Variants in CXADR observed in about 807,000 individuals in gnomAD.
CXADR encodes coxsackievirus and adenovirus receptor.
A neutral mutation model predicts 40.3 loss-of-function variants in CXADR; 20 were observed. The observed-to-expected ratio is 0.50, with a 90% confidence interval of 0.35 to 0.72. The LOEUF is 0.72. Among genes scored for constraint, CXADR ranks in the 30% least tolerant of loss-of-function variants. CXADR has a pLI of 0.01. For synonymous variants in CXADR, 150 were observed against 161.3 expected (o/e 0.93, Z 0.53); for missense variants, 332 against 449.1 (o/e 0.74, Z 2.36).
chr21:17,533,409 AT>A (rs1038912048), intron 1 of CXADR, among the ~76,000 whole-genome samples: 1 of 152,126 alleles, frequency 6.6e-6, no homozygotes, highest in African/African-American at 2.4e-5. Flanking sequence ...CACCCATTGT[AT>A]TTTATAGTGA....
At chr21:17,545,348 C>T (rs951717633) in intron 1 of CXADR, among the ~76,000 whole-genome samples, 8 of 151,886 alleles carry the variant, frequency 5.3e-5, no homozygotes, top group Non-Finnish European at 1.0e-4. Context: ...ATGTGACAAA[C>T]TAGTGCTATG....
chr21:17,523,169 C>A (rs1279835613), intron 1 of CXADR, among the ~76,000 whole-genome samples: 3 of 152,146 alleles, frequency 2.0e-5, no homozygotes, highest in Non-Finnish European at 4.4e-5. Context: ...CATGTTCTAA[C>A]CTTTATCAAG....
At chr21:17,633,727 C>T in the CXADR span, among the ~76,000 whole-genome samples, 1 of 152,194 alleles carries the variant, frequency 6.6e-6, no homozygotes, top group Admixed American at 6.5e-5. Context: ...AGAGCCCAGA[C>T]TAACTTTGTC....
intron 1 of CXADR, among the ~76,000 whole-genome samples, chr21:17,543,259 A>G (rs1260584973): frequency 3.3e-5 from 5 of 152,204 alleles, no homozygotes; most frequent in Non-Finnish European, 5.9e-5. Flanking sequence ...ATTTTGTTAC[A>G]CATATATGAC....
chr21:17,593,132 CTCT>C (rs773829029), intron 7 of CXADR: 15 of 1,398,496 alleles, frequency 1.1e-5, no homozygotes, highest in East Asian at 8.2e-5. Context: ...ATAGAGATAT[CTCT>C]TTTTTTCTTT....
chr21:17,603,977 A>G, the CXADR span, among the ~76,000 whole-genome samples: 1 of 152,230 alleles, frequency 6.6e-6, no homozygotes, highest in Non-Finnish European at 1.5e-5. Context: ...CGTTTTTGAA[A>G]ACCCTACAAC....
At chr21:17,600,960 G>A in the CXADR span, among the ~76,000 whole-genome samples, 4 of 152,222 alleles carry the variant, frequency 2.6e-5, no homozygotes, top group Non-Finnish European at 4.4e-5. Context: ...TCAGGCGTTC[G>A]AGGCCAGCCT....
intron 1 of CXADR, chr21:17,542,147 A>G (rs77607953): frequency 0.014 from 2,795 of 201,718 alleles, 90 homozygotes; most frequent in African/African-American, 0.059. Context: ...CACTCAAAAC[A>G]TTATTAAAAA....
At chr21:17,530,756 G>T (rs190380894) in intron 1 of CXADR, among the ~76,000 whole-genome samples, 10 of 152,284 alleles carry the variant, frequency 6.6e-5, no homozygotes, top group Admixed American at 6.5e-4. Context: ...AGAGGTTGCG[G>T]TGAGCCGAGA....
At chr21:17,598,128 G>C (rs1362935938), downstream of CXADR, among the ~76,000 whole-genome samples, 1 of 152,084 alleles carries the variant, frequency 6.6e-6, no homozygotes, top group Non-Finnish European at 1.5e-5. Flanking sequence ...TGTAAGTGCA[G>C]GCACACTAGC....
chr21:17,576,510 C>A (rs1022617235), intron 7 of CXADR, among the ~76,000 whole-genome samples: 1 of 152,104 alleles, frequency 6.6e-6, no homozygotes, highest in Non-Finnish European at 1.5e-5. Flanking sequence ...CGTTATTATT[C>A]TTGTATTATA....
the CXADR span, among the ~76,000 whole-genome samples, chr21:17,623,969 AATGATGGCAACATTTGT>A: frequency 2.6e-5 from 4 of 152,174 alleles, no homozygotes; most frequent in South Asian, 4.1e-4. Context: ...CTGTTGCATG[AATGATGGCAACATTTGT>A]CTAATTGCAT....
chr21:17,535,972 C>T (rs1413960579), intron 1 of CXADR, among the ~76,000 whole-genome samples: 1 of 152,198 alleles, frequency 6.6e-6, no homozygotes, highest in Non-Finnish European at 1.5e-5. Context: ...TGTGTCACTG[C>T]ACTCTAGCCT....
At chr21:17,617,124 C>G in the CXADR span, among the ~76,000 whole-genome samples, 4 of 152,154 alleles carry the variant, frequency 2.6e-5, no homozygotes, top group Non-Finnish European at 5.9e-5. Flanking sequence ...GAAGAAAATG[C>G]TTTGATCAAA....
chr21:17,611,803 A>G, the CXADR span: 1 of 152,250 alleles, frequency 6.6e-6, no homozygotes, highest in African/African-American at 2.4e-5. Context: ...AAGGGAATCC[A>G]GAATCAAGCT....
Position 17,518,742 on chromosome 21 carries a change from A to G in CXADR, c.43+5570A>G, listed in dbSNP as rs1028387035. ...TTGGTTTGGCTTCTGCATGACCAGT[A>G]ATTGCAAAGGTGTTAGCAGAAAGGG... is the stretch of plus-strand genomic sequence containing the variant. On this transcript the variant is annotated intron_variant, in intron 1 of 6. Coordinates refer to ENST00000284878, the MANE Select transcript of CXADR (RefSeq NM_001338.5). 29 of 1,590,788 alleles carry G rather than the reference A, an allele frequency of 1.8e-5. No individual in the cohort carries two copies. In the African/African-American group the frequency reaches 3.6e-4, roughly 20 times the overall value.
rs575505780 is a variant in CXADR, at chr21:17,568,821, G to A, written c.*3129G>A. 3.6e-5 allele frequency: 35 copies of A among 985,064 alleles called. No individual in the cohort carries two copies. Among genetic ancestry groups the A allele is most frequent in the African/African-American group, 3.5e-4 (20 of 57,198 alleles). 61.0% of individuals were successfully genotyped at this position (985,064 alleles called of 1,614,324 possible). On this transcript the variant is annotated 3_prime_UTR_variant, in exon 7 of 7. Transcript: ENST00000284878. ...CCAAAAATGTCTACTATTCATGACAGTAACCAATTATTCTGGACAAATTGC... is the reference window on the plus strand; with the variant it reads ...CCAAAAATGTCTACTATTCATGACAATAACCAATTATTCTGGACAAATTGC...
chr21:17,601,695 G>A, the CXADR span, among the ~76,000 whole-genome samples: 4 of 152,086 alleles, frequency 2.6e-5, no homozygotes, highest in African/African-American at 7.2e-5. Flanking sequence ...GACAATCAAG[G>A]GTTAATTCAT....
At chr21:17,572,418 C>T (rs999519537), downstream of CXADR, among the ~76,000 whole-genome samples, 4 of 151,980 alleles carry the variant, frequency 2.6e-5, no homozygotes, top group Admixed American at 1.3e-4. Flanking sequence ...TGAGTATGTG[C>T]AGTGAGGGGA....
Sources: gnomAD v4.1 joint callset for allele counts (sites outside exome capture counted in the v4.1 genomes callset) on GRCh38, gnomAD v4.1.1 for gene constraint, MANE v1.5 for transcripts, NCBI Gene and HGNC (gene_info 2026-07-23, HGNC 2026-07-21) for gene names.